Variants in SHC1 observed in about 807,000 individuals in gnomAD.
SHC1 encodes SHC adaptor protein 1.
A neutral mutation model predicts 55.9 loss-of-function variants in SHC1; 30 were observed. The ratio of observed to expected loss-of-function variants is 0.54; its 90% CI spans 0.40 to 0.73. SHC1 has a LOEUF of 0.73. SHC1 is among the 30% of genes least tolerant of loss of function. The pLI is 0.00. For synonymous variants in SHC1, 309 were observed against 306.1 expected (o/e 1.01, Z -0.10); for missense variants, 675 against 777.1 (o/e 0.87, Z 1.56).
At position 154,966,383 on chromosome 1, in the gene SHC1, G is replaced by A. The variant is rs1286799970; in HGVS notation, c.1118C>T (p.Ala373Val). The change falls in exon 8 of 12, where the codon GCT becomes GTT. Residue 373 changes from alanine to valine, a missense_variant. Ala to Val is a moderately conservative substitution (Grantham distance 64). Transcript: ENST00000448116. ...TGCAGTGGGTCGAGCAGCCCCTGGA[G>A]CGGCTCCTTCCCGAAGCCTCATGTC... is the stretch of plus-strand genomic sequence containing the variant. ...VVDMRLREGA[A>V]PGAARPTAPN... is the part of the protein sequence containing the mutation. 6 of 1,614,166 alleles carry A rather than the reference G, an allele frequency of 3.7e-6. No homozygotes were observed. The highest frequency in any genetic ancestry group is 5.1e-6 in the Non-Finnish European group (6 of 1,180,012).
In SHC1 at chr1:154,962,700, CT is replaced by C. The variant is rs1655467860; in HGVS notation, c.*1102del. ...GAAAATGCCAAGAGCTGTAAAAGGG[CT>C]TGGAAAAGTCAAAAAGGTGATGTAT... On this transcript the variant is annotated 3_prime_UTR_variant, in exon 12 of 12. Transcript: ENST00000448116. The C allele has an allele frequency of 6.6e-6, 1 of 152,538 alleles. No homozygotes were observed. The highest frequency in any genetic ancestry group is 2.1e-4 in the South Asian group (1 of 4,826). The allele number at this position is 152,538 out of a possible 1,614,324, so 9.4% of individuals were successfully genotyped here.
rs187901069 is a variant in SHC1, at chr1:154,965,328, C to T, written c.1626+215G>A. The T allele has an allele frequency of 1.5e-4, 223 of 1,476,690 alleles. 1 individual carries two copies. The highest frequency in any genetic ancestry group is 1.9e-4 in the Non-Finnish European group (207 of 1,106,832). The allele number at this position is 1,476,690 out of a possible 1,614,324, so 91.5% of individuals were successfully genotyped here. A position where few individuals can be genotyped will look rare whatever the true frequency, so the allele number is the denominator to read the frequency against. On this transcript the variant is annotated intron_variant, in intron 11 of 11. Transcript: ENST00000448116. ...CTGGGATTACAGGTGTGAGCCACCA[C>T]GCCTGGCCCTGTGCCAGGACTATAA... is the stretch of plus-strand genomic sequence containing the variant.
intron 5 of SHC1, 54 bp downstream of exon 5, chr1:154,968,150 A>G: frequency 1.3e-6 from 2 of 1,596,408 alleles, no homozygotes; most frequent in Non-Finnish European, 1.7e-6. Context: ...ATGTCTTCCC[A>G]ATCCCTAGCC....
chr1:154,965,355 G>T, intron 11 of SHC1, 188 bp downstream of exon 11: 2 of 1,574,470 alleles, frequency 1.3e-6, no homozygotes, highest in Non-Finnish European at 1.7e-6. Flanking sequence ...GGACTATAAA[G>T]AACATAGTTC....
intron 11 of SHC1, chr1:154,965,303 C>A (rs1378099179): frequency 7.5e-7 from 1 of 1,327,894 alleles, no homozygotes; most frequent in South Asian, 1.4e-5. Flanking sequence ...TCCCAAAGCG[C>A]TGGGATTACA....
chr1:154,968,797 C>A lies in SHC1; in HGVS notation c.604G>T (p.Ala202Ser), dbSNP rs777515796. Residue 202 changes from alanine to serine, a missense_variant, in exon 3 of 12, where the codon GCT becomes TCT. Physicochemically the swap from Ala to Ser is moderately conservative, Grantham distance 99. Around this residue, in one of 3 missense-constraint regions of SHC1, gnomAD observed 159 missense variants for 246.9 expected, o/e 0.64. Transcript: ENST00000448116. ...TTTCTCCTCCTTGTCGCCCCCTTAG[C>A]ACCCGGCACAGCCTCACACACCAGA... ...ISLVCEAVPGAKGATRRRKPC... is the reference protein window; with the variant it reads ...ISLVCEAVPGSKGATRRRKPC... 7.4e-6 allele frequency: 12 copies of A among 1,614,068 alleles called. No homozygotes were observed. In the South Asian group the frequency reaches 1.3e-4, roughly 18 times the overall value.
At chr1:154,966,134 G>A in intron 9 of SHC1, 28 bp downstream of exon 9, 1 of 1,614,092 alleles carries the variant, frequency 6.2e-7, no homozygotes, top group Non-Finnish European at 8.5e-7. Context: ...ACACTCCCCA[G>A]CTCTGCCTAT....
rs114824608 is a variant in SHC1 at position 154,969,856 on chromosome 1, A to G, written c.495+176T>C. 7.6e-3 allele frequency among the ~76,000 whole-genome samples: 1,150 copies of G among 151,760 alleles called. 17 individuals are homozygous for G. Among genetic ancestry groups the G allele is most frequent in the African/African-American group, 0.027 (1,098 of 41,318 alleles). On this transcript the variant is annotated intron_variant, in intron 1 of 11. Transcript: ENST00000448116. ...GAAAAGAAGGAAGGGGGCCCAGGCAAAGCTGGAAGGGAAGGGGCTACAGAA... is the reference window on the plus strand; with the variant it reads ...GAAAAGAAGGAAGGGGGCCCAGGCAGAGCTGGAAGGGAAGGGGCTACAGAA...
In SHC1 at chr1:154,968,783, T is replaced by C. The variant is rs748101634; in HGVS notation, c.618A>G (p.Thr206=). 3.1e-6 allele frequency: 5 copies of C among 1,613,428 alleles called. No individual in the cohort carries two copies. Among genetic ancestry groups the C allele is most frequent in the African/African-American group, 1.3e-5 (1 of 74,732 alleles). Residue 206 remains threonine (T), a synonymous_variant, in exon 3 of 12, where the codon ACA becomes ACG. Coordinates refer to ENST00000448116, the MANE Select transcript of SHC1 (RefSeq NM_001130040.2). ...CEAVPGAKGA[T]RRRKPCSRPL... ...GGACCCCAAGTACCTTTCTCCTCCT[T>C]GTCGCCCCCTTAGCACCCGGCACAG...
intron 11 of SHC1, chr1:154,965,309 T>C: frequency 1.5e-6 from 2 of 1,377,224 alleles, no homozygotes; most frequent in East Asian, 6.2e-5. Flanking sequence ...AGCGCTGGGA[T>C]TACAGGTGTG....
At chr1:154,964,301 C>T (rs780346145) in intron 11 of SHC1, 23 of 471,308 alleles carry the variant, frequency 4.9e-5, no homozygotes, top group Non-Finnish European at 2.6e-5. Flanking sequence ...TCTGGGAGGC[C>T]GAGGGAGGCG....
chr1:154,969,413 A>G lies in SHC1; in HGVS notation c.531T>C (p.Arg177=), dbSNP rs914388915. 8.1e-6 allele frequency: 13 copies of G among 1,612,660 alleles called. No homozygotes were observed. Among genetic ancestry groups the G allele is most frequent in the Admixed American group, 1.7e-5 (1 of 59,912 alleles). Residue 177 remains arginine, a synonymous_variant, in exon 2 of 12, where the codon CGT becomes CGC. Coordinates refer to ENST00000448116, the MANE Select transcript of SHC1 (RefSeq NM_001130040.2). ...MGCVEVLQSM[R]ALDFNTRTQV... ...GAGTCCGGGTGTTGAAGTCCAGGGCACGCATTGACTGGAGGACCTCCACAC... is the reference window on the plus strand; with the variant it reads ...GAGTCCGGGTGTTGAAGTCCAGGGCGCGCATTGACTGGAGGACCTCCACAC...
chr1:154,967,934 C>T (rs746335730), intron 6 of SHC1, 46 bp downstream of exon 6: 14 of 1,610,490 alleles, frequency 8.7e-6, no homozygotes, highest in Admixed American at 6.7e-5. Flanking sequence ...TCCTACTCAC[C>T]TCCTCAAACA....
intron 10 of SHC1, 77 bp downstream of exon 10, chr1:154,965,869 A>G (rs1290748364): frequency 6.3e-7 from 1 of 1,575,910 alleles, no homozygotes; most frequent in East Asian, 2.2e-5. Flanking sequence ...TCAGGAAGGA[A>G]AGAGCAGATA....
At chr1:154,968,743 C>T in intron 3 of SHC1, 28 bp downstream of exon 3, 2 of 1,612,430 alleles carry the variant, frequency 1.2e-6, no homozygotes, top group Non-Finnish European at 1.7e-6. Context: ...TTCCCAGCAG[C>T]ATCCCTATCC....
At chr1:154,971,851 G>GT (rs2102182319), upstream of SHC1, among the ~76,000 whole-genome samples, 1 of 151,780 alleles carries the variant, frequency 6.6e-6, no homozygotes, top group South Asian at 2.1e-4. Flanking sequence ...TGGACACAGG[G>GT]AACAGTCCCA....
At position 154,970,738 on chromosome 1, in the gene SHC1, C is replaced by G. The variant is rs1656659761; in HGVS notation, c.-212G>C. 10 of 488,508 alleles carry G rather than the reference C, an allele frequency of 2.0e-5. No homozygotes were observed. In the South Asian group the frequency reaches 3.1e-4, roughly 15 times the overall value. 30.3% of individuals were successfully genotyped at this position (488,508 alleles called of 1,614,324 possible). A position where few individuals can be genotyped will look rare whatever the true frequency, so the allele number is the denominator to read the frequency against. ...GGCCCCATCCCCGCCCAACGTGGAG[C>G]CTCTTCTCTGGCTGAGAAGAGAACA... is the stretch of plus-strand genomic sequence containing the variant. On this transcript the variant is annotated 5_prime_UTR_variant, in exon 1 of 12. Transcript: ENST00000448116. This position sits in a 1 kb window ranked among gnomAD's most constrained non-coding sequence, Gnocchi z 5.5.
rs1178141494 is a variant in SHC1, at chr1:154,963,025, GGCGTA to G, written c.*773_*777del. On this transcript the variant is annotated 3_prime_UTR_variant, in exon 12 of 12. Transcript: ENST00000448116. ...GCTTCAGGAGGAAGGGCTGCACTTT[GGCGTA>G]GAGTACATAGGCATGCAACATGGGA... 6.5e-6 allele frequency: 1 copy of G among 152,832 alleles called. No individual in the cohort carries two copies. Among genetic ancestry groups the G allele is most frequent in the Non-Finnish European group, 1.5e-5 (1 of 68,110 alleles). The allele number at this position is 152,832 out of a possible 1,614,324, so 9.5% of individuals were successfully genotyped here.
In SHC1 at chr1:154,968,204, C is replaced by G; in HGVS notation, c.804G>C (p.Pro268=). Residue 268 remains proline (P), a splice_region_variant and synonymous_variant, in exon 5 of 12, where the codon CCG becomes CCC. Transcript: ENST00000448116. ...QSISFASGGD[P]DTAEYVAYVA... is the part of the protein sequence containing the mutation. ...GCCTTTGCTCTGTTCCCCAACTCAC[C>G]GGATCCCCGCCGGATGCAAATGAGA... 6.2e-7 allele frequency: 1 copy of G among 1,613,972 alleles called. No individual in the cohort carries two copies. The highest frequency in any genetic ancestry group is 8.5e-7 in the Non-Finnish European group (1 of 1,179,874).
Sources: gnomAD v4.1 joint callset for allele counts (sites outside exome capture counted in the v4.1 genomes callset) on GRCh38, gnomAD v4.1.1 for gene constraint, gnomAD v4.1.1 regional missense constraint, Gnocchi (gnomAD v3.1) non-coding constraint, MANE v1.5 for transcripts, NCBI Gene and HGNC (gene_info 2026-07-23, HGNC 2026-07-21) for gene names.